The following TTI1 variants were observed in gnomAD, a reference collection of about 807,000 sequenced individuals.
The protein encoded by TTI1 is TELO2 interacting protein 1.
In TTI1, 52 loss-of-function variants were observed where a neutral mutation model predicts 85.4. The observed-to-expected ratio is 0.61, with a 90% CI of 0.49 to 0.77. The LOEUF is 0.77. TTI1 is among the 30% of genes least tolerant of loss of function. The probability of loss-of-function intolerance (pLI) is 0.00; values close to 1 mark genes in which losing one functional copy is unlikely to be tolerated. For synonymous variants in TTI1, 512 were observed against 503.9 expected, an observed-to-expected ratio of 1.02 and a Z score of -0.22; for missense variants, 1,173 against 1,296.0, an observed-to-expected ratio of 0.91 and a Z score of 1.46.
chr20:38,028,224 G>A (rs1478373139), intron 1 of TTI1, among the ~76,000 whole-genome samples: 1 of 152,188 alleles, frequency 6.6e-6, no homozygotes, highest in Non-Finnish European at 1.5e-5. Flanking sequence ...TCAATTAAAA[G>A]ATTGAGATTG....
At chr20:38,021,618 G>A (rs1421659299) in intron 1 of TTI1, among the ~76,000 whole-genome samples, 1 of 152,186 alleles carries the variant, frequency 6.6e-6, no homozygotes, top group Non-Finnish European at 1.5e-5. Context: ...AACAGTTCTT[G>A]ACTGCTAATG....
chr20:38,009,703 AG>A (rs1047524490), intron 2 of TTI1, among the ~76,000 whole-genome samples: 58 of 152,206 alleles, frequency 3.8e-4, no homozygotes, highest in African/African-American at 1.3e-3. Context: ...AGGCCATACT[AG>A]GTTGCCCAGG....
intron 5 of TTI1, among the ~76,000 whole-genome samples, chr20:37,997,834 TTGC>T (rs928349305): frequency 5.3e-5 from 8 of 152,174 alleles, no homozygotes; most frequent in African/African-American, 1.9e-4. Flanking sequence ...TTTTCTATGC[TTGC>T]TGTTATTTCA....
chr20:38,006,351 T>G lies in TTI1; in HGVS notation c.2349A>C (p.Gln783His), dbSNP rs149673525. 4.3e-6 allele frequency: 7 copies of G among 1,614,074 alleles called. No homozygotes were observed. The African/African-American group carries it at 9.3e-5, about 22-fold the overall frequency. Residue 783 changes from glutamine (Q) to histidine (H), a missense_variant, in exon 3 of 8, where the codon CAA (glutamine) becomes CAC (histidine). By Grantham distance (24) the Gln-to-His change is conservative. Coordinates refer to ENST00000373447, the MANE Select transcript of TTI1 (RefSeq NM_001303457.2). ...DTGNLGHLQE[Q>H]SLGEEGSHLN... ...AATGACTTCCCTCTTCTCCTAAACT[T>G]TGCTCTTGGAGGTGCCCAAGATTAC... is the stretch of plus-strand genomic sequence containing the variant.
Position 37,993,714 on chromosome 20 carries a change from T to C in TTI1, c.3086+2661A>G, listed in dbSNP as rs191872881. Among the ~76,000 whole-genome samples, 916 of 152,334 alleles carry C rather than the reference T, an allele frequency of 6.0e-3. 9 individuals are homozygous for C. Among genetic ancestry groups the C allele is most frequent in the African/African-American group, 0.02 (849 of 41,570 alleles). ...GCCCTCTGGCAGACAGGAGAGCCAC[T>C]TCCAAAGCAAGCTGGTCATCTGCCT... On this transcript the variant is annotated intron_variant, in intron 7 of 7. Transcript: ENST00000373447.
Position 38,012,909 on chromosome 20 carries a change from T to C in TTI1, c.908A>G (p.His303Arg), listed in dbSNP as rs755927154. Residue 303 changes from histidine (H) to arginine (R), a missense_variant, in exon 2 of 8, where the codon CAC becomes CGC. Physicochemically the swap from His to Arg is conservative, Grantham distance 29. Coordinates refer to ENST00000373447, the MANE Select transcript of TTI1 (RefSeq NM_001303457.2). ...TACCAGTTCCAGTCTCACCTTCCAG[T>C]GTGGGTGAACAGAAACACACTCAAT... ...KIIECVSVHP[H>R]WKVRLELVEL... 12 of 1,614,070 alleles carry C rather than the reference T, an allele frequency of 7.4e-6. No individual in the cohort carries two copies. Among genetic ancestry groups the C allele is most frequent in the Non-Finnish European group, 1.0e-5 (12 of 1,180,048 alleles).
intron 1 of TTI1, among the ~76,000 whole-genome samples, chr20:38,024,443 G>A (rs1302519071): frequency 6.6e-6 from 1 of 151,960 alleles, no homozygotes; most frequent in African/African-American, 2.4e-5. Flanking sequence ...CCAGAACCTG[G>A]GGAGTGACAC....
chr20:38,011,658 T>C lies in TTI1; in HGVS notation c.2159A>G (p.Glu720Gly). 3 of 1,614,202 alleles carry C rather than the reference T, an allele frequency of 1.9e-6. No individual in the cohort carries two copies. In the South Asian group the frequency reaches 3.3e-5, roughly 18 times the overall value. Residue 720 changes from glutamate to glycine, a missense_variant, in exon 2 of 8, where the codon GAA becomes GGA. By Grantham distance (98) the Glu-to-Gly change is moderately conservative (BLOSUM62 -2). Coordinates refer to ENST00000373447, the MANE Select transcript of TTI1 (RefSeq NM_001303457.2). ...ALHPHTPKVL[E>G]VMLRNSDANL... ...AGCATCTGAGTTCCGCAGCATGACT[T>C]CCAGGACCTTTGGGGTATGAGGATG...
chr20:38,032,132 A>C (rs989996919), intron 1 of TTI1, among the ~76,000 whole-genome samples: 7 of 152,228 alleles, frequency 4.6e-5, no homozygotes, highest in Admixed American at 1.3e-4. Context: ...CTCAAGTCTT[A>C]GTAATGTGAT....
Position 37,983,446 on chromosome 20 carries a change from G to C in TTI1, c.*10C>G. On this transcript the variant is annotated 3_prime_UTR_variant, in exon 8 of 8. Transcript: ENST00000373447. The stretch of plus-strand genomic sequence containing the variant: ...GAGGGATCGGTGGCCTCTGTGGTGG[G>C]GGAGCAGGGTCACTGCAGCTCCTTG... The C allele has an allele frequency of 1.2e-6, 2 of 1,608,202 alleles. No individual in the cohort carries two copies. Among genetic ancestry groups the C allele is most frequent in the Non-Finnish European group, 1.7e-6 (2 of 1,178,928 alleles).
chr20:38,002,246 C>T (rs999159391), intron 4 of TTI1, among the ~76,000 whole-genome samples: 8 of 152,136 alleles, frequency 5.3e-5, no homozygotes, highest in African/African-American at 1.7e-4. Context: ...CAAGTTTTCC[C>T]TAGAATGAAA....
chr20:38,001,869 C>T (rs1012440529), intron 4 of TTI1, among the ~76,000 whole-genome samples: 1 of 152,218 alleles, frequency 6.6e-6, no homozygotes, highest in Non-Finnish European at 1.5e-5. Context: ...CAGGCATGCA[C>T]CACCATGCCC....
chr20:38,024,380 C>G (rs184652990), intron 1 of TTI1, among the ~76,000 whole-genome samples: 24 of 152,186 alleles, frequency 1.6e-4, no homozygotes, highest in Admixed American at 1.4e-3. Flanking sequence ...ACTAAAACCC[C>G]TGGACATTAT....
chr20:37,996,992 C>T, intron 5 of TTI1, 39 bp from the exon 6 acceptor site: 1 of 1,597,670 alleles, frequency 6.3e-7, no homozygotes, highest in Non-Finnish European at 8.5e-7. Context: ...TGAACATTGC[C>T]AAGGCAGCAA....
chr20:38,030,751 C>T (rs544786457), intron 1 of TTI1, among the ~76,000 whole-genome samples: 19 of 152,144 alleles, frequency 1.2e-4, no homozygotes, highest in Non-Finnish European at 2.4e-4. Flanking sequence ...CACCTTATTC[C>T]GTTATGACTC....
rs558132064 is a variant in TTI1, at chr20:37,997,671, GCA to G, written c.2794-720_2794-719del. Among the ~76,000 whole-genome samples, 103 of 152,306 alleles carry G rather than the reference GCA, an allele frequency of 6.8e-4. 2 individuals are homozygous for G. Among genetic ancestry groups the G allele is most frequent in the East Asian group, 1.9e-4 (1 of 5,192 alleles). ...AAAATTGGTAAGCAAGGCATAACCAGCACAGTGTTTGCTCATTTTGCAGAGAA... is the reference window on the plus strand; with the variant it reads ...AAAATTGGTAAGCAAGGCATAACCAGCAGTGTTTGCTCATTTTGCAGAGAA... On this transcript the variant is annotated intron_variant, in intron 5 of 7. Transcript: ENST00000373447.
rs891881825 is a variant in TTI1 at position 37,996,634 on chromosome 20, C to T, written c.2998+115G>A. ...ATGGACAAATGAGGCCAAAATAAGACGGAAGGAGGTACACAGAGGGGAGGG... is the reference window on the plus strand; with the variant it reads ...ATGGACAAATGAGGCCAAAATAAGATGGAAGGAGGTACACAGAGGGGAGGG... On this transcript the variant is annotated intron_variant, in intron 6 of 7. Transcript: ENST00000373447. 3.4e-5 allele frequency: 48 copies of T among 1,408,354 alleles called. 1 individual carries two copies. The highest frequency in any genetic ancestry group is 2.2e-4 in the Middle Eastern group (1 of 4,474). 87.2% of individuals were successfully genotyped at this position (1,408,354 alleles called of 1,614,324 possible). A position where few individuals can be genotyped will look rare whatever the true frequency, so the allele number is the denominator to read the frequency against.
chr20:38,010,466 C>CTTTTTTT (rs2073566968), intron 2 of TTI1, among the ~76,000 whole-genome samples: 1 of 131,306 alleles, frequency 7.6e-6, no homozygotes, highest in Non-Finnish European at 1.6e-5. Context: ...TTTTGCCATT[C>CTTTTTTT]CTTTTTTTTT....
rs6013655 is a variant in TTI1 at position 38,013,265 on chromosome 20, C to T, written c.552G>A (p.Gln184=). 1.1e-3 allele frequency: 1,758 copies of T among 1,614,050 alleles called. 17 individuals carry two copies. In the African/African-American group the frequency reaches 0.022, roughly 20 times the overall value. Residue 184 remains glutamine (Q), a synonymous_variant, in exon 2 of 8, where the codon CAG becomes CAA. Coordinates refer to ENST00000373447, the MANE Select transcript of TTI1 (RefSeq NM_001303457.2). ...ALKCLQVLLL[Q]CDCQDHPRSL... is the part of the protein sequence containing the mutation. ...ACCTTGGATGGTCCTGACAATCACA[C>T]TGCAAGAGTAGAACCTGTAAACATT...
Sources: gnomAD v4.1 joint callset for allele counts (sites outside exome capture counted in the v4.1 genomes callset) on GRCh38, gnomAD v4.1.1 for gene constraint, MANE v1.5 for transcripts, NCBI Gene and HGNC (gene_info 2026-07-23, HGNC 2026-07-21) for gene names.